The following KCNH4 variants were observed in gnomAD, a reference collection of about 807,000 sequenced individuals.
The protein encoded by KCNH4 is potassium voltage-gated channel subfamily H member 4, also known as voltage-gated delayed rectifier potassium channel KCNH4.
A neutral mutation model predicts 90.7 loss-of-function variants in KCNH4; 33 were observed. The ratio of observed to expected loss-of-function variants is 0.36; its 90% CI spans 0.28 to 0.49. The LOEUF (loss-of-function observed/expected upper bound fraction) is 0.49, where lower values mean the gene tolerates loss of function less well. Ranked by LOEUF, KCNH4 falls within the 20% of genes least tolerant of loss-of-function variation. KCNH4 has a pLI of 0.98. For synonymous variants in KCNH4, 551 were observed against 581.7 expected (o/e 0.95, Z 0.76); for missense variants, 1,044 against 1,387.1 (o/e 0.75, Z 3.93).
In KCNH4 at chr17:42,163,097, G is replaced by T; in HGVS notation, c.2584+131C>A. 1 of 693,196 alleles carries T rather than the reference G, an allele frequency of 1.4e-6. No individual in the cohort carries two copies. Among genetic ancestry groups the T allele is most frequent in the Non-Finnish European group, 2.6e-6 (1 of 378,376 alleles). 42.9% of individuals were successfully genotyped at this position (693,196 alleles called of 1,614,324 possible). A position where few individuals can be genotyped will look rare whatever the true frequency, so the allele number is the denominator to read the frequency against. On this transcript the variant is annotated intron_variant, in intron 14 of 16. Transcript: ENST00000264661. This position sits in a 1 kb window ranked among gnomAD's most constrained non-coding sequence, Gnocchi z 5.4. ...TGCTAGACTTACTCCAAGAGCGTGG[G>T]CCAGGTCTGTTTTATCTGTGTATTC...
rs869250233 is a variant in KCNH4, at chr17:42,176,509, C to CTTTTT, written c.586-217_586-213dup. ...GCCAAGTATTTCCCAGGCCCTCCTC[C>CTTTTT]TTTTTTTTTTTTTTTTTTTTTTTTT... On this transcript the variant is annotated intron_variant, in intron 4 of 16. Transcript: ENST00000264661. Among the ~76,000 whole-genome samples, 379 of 68,454 alleles carry CTTTTT rather than the reference C, an allele frequency of 5.5e-3. 67 individuals are homozygous for CTTTTT. The highest frequency in any genetic ancestry group is 0.022 in the African/African-American group (333 of 15,166). 44.9% of individuals were successfully genotyped at this position (68,454 alleles called of 152,430 possible).
Position 42,163,329 on chromosome 17 carries a change from A to G in KCNH4, c.2483T>C (p.Val828Ala). 6.2e-7 allele frequency: 1 copy of G among 1,612,880 alleles called. No individual in the cohort carries two copies. Residue 828 changes from valine to alanine, a missense_variant, in exon 14 of 17, where the codon GTG (valine) becomes GCG (alanine). By Grantham distance (64) the Val-to-Ala change is moderately conservative. Transcript: ENST00000264661. The surrounding 1 kb of genome is among the most constrained non-coding windows in gnomAD (Gnocchi z 5.4). ...GCTGCCAGAGTCCTCAATGCCATCC[A>G]CTATCCTGGGAACAGGGCAGTGCTC... ...FGPPDLSPRI[V>A]DGIEDSGSTA...
chr17:42,175,917 G>T (rs1598277018), intron 5 of KCNH4, 137 bp downstream of exon 5: 1 of 1,227,092 alleles, frequency 8.1e-7, no homozygotes, highest in East Asian at 2.3e-5. Flanking sequence ...CAGGACACAT[G>T]GGCCATTGGG....
Position 42,162,329 on chromosome 17 carries a change from G to A in KCNH4, c.2585-8C>T. ...CTGGGCTGGGCCTGGTCCCTGCAGGGTGAAGGGATGCAGGTGAGTTCATGG... is the reference window on the plus strand; with the variant it reads ...CTGGGCTGGGCCTGGTCCCTGCAGGATGAAGGGATGCAGGTGAGTTCATGG... On this transcript the variant is annotated splice_region_variant and splice_polypyrimidine_tract_variant and intron_variant, in intron 14 of 16. Transcript: ENST00000264661. 6.2e-7 allele frequency: 1 copy of A among 1,612,560 alleles called. No homozygotes were observed. Among genetic ancestry groups the A allele is most frequent in the Non-Finnish European group, 8.5e-7 (1 of 1,178,798 alleles).
rs1172127804 is a variant in KCNH4 at position 42,176,466 on chromosome 17, CTGACATTT to C, written c.586-177_586-170del. 2.7e-5 allele frequency among the ~76,000 whole-genome samples: 4 copies of C among 148,572 alleles called. No individual in the cohort carries two copies. The East Asian group carries it at 7.9e-4, about 29-fold the overall frequency. Reference sequence around the variant, plus strand: ...AGGAGAGGGGCGCAGAGGCTGACACCTGACATTTTCTTCTCCTGCCAAGTATTTCCCAG... The same window carrying C: ...AGGAGAGGGGCGCAGAGGCTGACACCTCTTCTCCTGCCAAGTATTTCCCAG... On this transcript the variant is annotated intron_variant, in intron 4 of 16. Coordinates refer to ENST00000264661, the MANE Select transcript of KCNH4 (RefSeq NM_012285.3).
At chr17:42,178,618 G>A (rs918842328) in intron 2 of KCNH4, 141 bp from the exon 3 acceptor site, 37 of 1,231,528 alleles carry the variant, frequency 3.0e-5, no homozygotes, top group Non-Finnish European at 3.8e-5. Context: ...TCTGTCAGCC[G>A]ATTCCTTCAT....
At chr17:42,173,547 C>T (rs2079841322) in intron 6 of KCNH4, among the ~76,000 whole-genome samples, 1 of 152,056 alleles carries the variant, frequency 6.6e-6, no homozygotes, top group South Asian at 2.1e-4. Flanking sequence ...CCAGTGCCTG[C>T]TCATCTTCTG....
At chr17:42,164,050 A>G (rs1156446513) in intron 12 of KCNH4, 80 bp downstream of exon 12, 1 of 1,504,724 alleles carries the variant, frequency 6.6e-7, no homozygotes, top group Admixed American at 2.0e-5. Context: ...GCAGCTCCCC[A>G]TCCATGGAAA....
At position 42,180,979 on chromosome 17, in the gene KCNH4, G is replaced by A. The variant is rs746271206; in HGVS notation, c.-34C>T. 2 of 1,595,654 alleles carry A rather than the reference G, an allele frequency of 1.3e-6. No homozygotes were observed. Among genetic ancestry groups the A allele is most frequent in the Non-Finnish European group, 1.7e-6 (2 of 1,169,294 alleles). ...GGCGTGGGTTCAAGGCGCGGCGCTGGGGAGCTTTCAGCGCGGCCGGGCCGG... is the reference window on the plus strand; with the variant it reads ...GGCGTGGGTTCAAGGCGCGGCGCTGAGGAGCTTTCAGCGCGGCCGGGCCGG... On this transcript the variant is annotated 5_prime_UTR_variant, in exon 1 of 17. Transcript: ENST00000264661. This position sits in a 1 kb window ranked among gnomAD's most constrained non-coding sequence, Gnocchi z 4.7.
chr17:42,180,990 G>A lies in KCNH4; in HGVS notation c.-45C>T, dbSNP rs2079897481. ...AAGGCGCGGCGCTGGGGAGCTTTCAGCGCGGCCGGGCCGGAGGGGGCGCGC... is the reference window on the plus strand; with the variant it reads ...AAGGCGCGGCGCTGGGGAGCTTTCAACGCGGCCGGGCCGGAGGGGGCGCGC... On this transcript the variant is annotated 5_prime_UTR_variant, in exon 1 of 17. Transcript: ENST00000264661. The surrounding 1 kb of genome is among the most constrained non-coding windows in gnomAD (Gnocchi z 4.7). 2 of 1,577,910 alleles carry A rather than the reference G, an allele frequency of 1.3e-6. No individual in the cohort carries two copies. Among genetic ancestry groups the A allele is most frequent in the Admixed American group, 1.7e-5 (1 of 57,698 alleles).
chr17:42,175,882 T>C, intron 5 of KCNH4, 146 bp from the exon 6 acceptor site: 1 of 1,258,960 alleles, frequency 7.9e-7, no homozygotes. Context: ...GGAGGATAGG[T>C]TACAAGGCTG....
chr17:42,174,094 A>T lies in KCNH4; in HGVS notation c.987+1485T>A, dbSNP rs1381814050. 3.3e-5 allele frequency among the ~76,000 whole-genome samples: 5 copies of T among 152,158 alleles called. No individual in the cohort carries two copies. The East Asian group carries it at 9.6e-4, about 29-fold the overall frequency. On this transcript the variant is annotated intron_variant, in intron 6 of 16. Transcript: ENST00000264661. The stretch of plus-strand genomic sequence containing the variant: ...TACCTCATCCTCCCGAGTAGCTGGG[A>T]CTACAGGTACGTGCCAGCACACCCG...
intron 1 of KCNH4, among the ~76,000 whole-genome samples, chr17:42,179,841 A>G (rs1321842642): frequency 6.6e-6 from 1 of 152,248 alleles, no homozygotes; most frequent in Admixed American, 6.5e-5. Flanking sequence ...CCCCAGCAGC[A>G]GAACCCGAGC....
In KCNH4 at chr17:42,160,105, C is replaced by T. The variant is rs1416193802; in HGVS notation, c.2989G>A (p.Ala997Thr). 2 of 1,583,814 alleles carry T rather than the reference C, an allele frequency of 1.3e-6. No homozygotes were observed. The highest frequency in any genetic ancestry group is 2.7e-5 in the African/African-American group (2 of 74,396). ...DPLGPSPVPE[A>T]SPPTPSLLRH... ...AAGAGGCTTGGGGTTGGGGGTGAGG[C>T]CTCTGGCACTGGAGAGGGTCCCAGA... is the stretch of plus-strand genomic sequence containing the variant. Residue 997 changes from alanine to threonine, a missense_variant, in exon 16 of 17, where the codon GCC (alanine) becomes ACC (threonine). Physicochemically the swap from Ala to Thr is moderately conservative, Grantham distance 58. Transcript: ENST00000264661.
chr17:42,171,490 T>C (rs1430013581), intron 7 of KCNH4, among the ~76,000 whole-genome samples: 1 of 152,140 alleles, frequency 6.6e-6, no homozygotes, highest in Non-Finnish European at 1.5e-5. Context: ...TTTCACGTGC[T>C]GCTCCTTCTG....
chr17:42,176,367 C>T, intron 4 of KCNH4, 70 bp from the exon 5 acceptor site: 1 of 1,400,182 alleles, frequency 7.1e-7, no homozygotes, highest in East Asian at 2.3e-5. Context: ...GTGGGAAAGG[C>T]AGGGGATGGG....
chr17:42,162,517 T>C (rs2079756111), intron 14 of KCNH4, among the ~76,000 whole-genome samples, 196 bp from the exon 15 acceptor site: 1 of 152,170 alleles, frequency 6.6e-6, no homozygotes, highest in South Asian at 2.1e-4. Context: ...TCCTGCCCCT[T>C]GCCCCATCTT....
intron 6 of KCNH4, among the ~76,000 whole-genome samples, chr17:42,173,557 G>C (rs1336255903): frequency 6.6e-6 from 1 of 151,936 alleles, no homozygotes; most frequent in East Asian, 1.9e-4. Flanking sequence ...CTCATCTTCT[G>C]TCTCTGCTCT....
Position 42,163,692 on chromosome 17 carries a change from G to A in KCNH4, c.2391C>T (p.Gly797=). Residue 797 remains glycine, a synonymous_variant, in exon 13 of 17, where the codon GGC becomes GGT. Coordinates refer to ENST00000264661, the MANE Select transcript of KCNH4 (RefSeq NM_012285.3). The surrounding 1 kb of genome is among the most constrained non-coding windows in gnomAD (Gnocchi z 5.4). ...TCCAGGCAGCAGAGCACCTGGGGGG[G>A]CCGTGAGGGGAGGCACTGTGGCCCT... ...AGQGHSASPH[G]PPRCSAAWKP... 1 of 1,512,072 alleles carries A rather than the reference G, an allele frequency of 6.6e-7. No homozygotes were observed. 93.7% of individuals were successfully genotyped at this position (1,512,072 alleles called of 1,614,324 possible).
Sources: gnomAD v4.1 joint callset for allele counts (sites outside exome capture counted in the v4.1 genomes callset) on GRCh38, gnomAD v4.1.1 for gene constraint, Gnocchi (gnomAD v3.1) non-coding constraint, MANE v1.5 for transcripts, NCBI Gene and HGNC (gene_info 2026-07-23, HGNC 2026-07-21) for gene names.